The following BRS3 variants were observed in gnomAD, a reference collection of about 807,000 sequenced individuals.
The protein encoded by BRS3 is bombesin receptor subtype 3, also known as bombesin receptor subtype-3.
A neutral mutation model predicts 18.8 loss-of-function variants in BRS3; 5 were observed. The observed-to-expected ratio is 0.27, with a 90% CI of 0.14 to 0.56. The LOEUF is 0.56. Ranked by LOEUF, BRS3 falls within the 20% of genes least tolerant of loss-of-function variation. The pLI, the probability that BRS3 is intolerant of heterozygous loss-of-function variation, is 0.93. For synonymous variants in BRS3, 121 were observed against 115.0 expected, an observed-to-expected ratio of 1.05 and a Z score of -0.33; for missense variants, 215 against 296.3, an observed-to-expected ratio of 0.73 and a Z score of 2.01.
intron 2 of BRS3, among the ~76,000 whole-genome samples, chrX:136,490,698 T>G (rs751124425): frequency 8.9e-6 from 1 of 112,105 alleles, no homozygotes; most frequent in East Asian, 2.8e-4. Flanking sequence ...GAGCCTCGGT[T>G]TCCTCATCTG....
In BRS3 at chrX:136,488,363, T is replaced by C. The variant is rs746930970; in HGVS notation, c.249T>C (p.Asn83=). ...FKTKSMQTVP[N]IFITSLAFGD... ...CCAAATCCATGCAAACAGTTCCAAA[T>C]ATTTTCATCACCAGCCTGGCTTTTG... The change falls in exon 1 of 3, where the codon AAT becomes AAC. Residue 83 remains asparagine (N), a synonymous_variant. Coordinates refer to ENST00000370648, the MANE Select transcript of BRS3 (RefSeq NM_001727.2). 1.6e-5 allele frequency: 19 copies of C among 1,210,591 alleles called. No homozygotes were observed. The highest frequency in any genetic ancestry group is 2.0e-5 in the Non-Finnish European group (18 of 895,417).
chrX:136,490,565 T>A, intron 2 of BRS3, 81 bp downstream of exon 2: 2 of 745,816 alleles, frequency 2.7e-6, no homozygotes, highest in Non-Finnish European at 3.8e-6. Flanking sequence ...AGTAACTGTG[T>A]ATCTTCCTGT....
Position 136,493,587 on chromosome X carries a change from T to A in BRS3, c.*1212T>A, listed in dbSNP as rs1369438443. 4 of 111,383 alleles carry A rather than the reference T, an allele frequency of 3.6e-5. No homozygotes were observed. Among genetic ancestry groups the A allele is most frequent in the Non-Finnish European group, 7.5e-5 (4 of 53,084 alleles). 9.2% of individuals were successfully genotyped at this position (111,383 alleles called of 1,213,427 possible). A position where few individuals can be genotyped will look rare whatever the true frequency, so the allele number is the denominator to read the frequency against. On this transcript the variant is annotated 3_prime_UTR_variant, in exon 3 of 3. Coordinates refer to ENST00000370648, the MANE Select transcript of BRS3 (RefSeq NM_001727.2). ...TTGGTAATGCTGAGCTTTCTTTAAA[T>A]GGCTTGTGGAGTCGTGAACTTTTGC...
intron 1 of BRS3, 142 bp downstream of exon 1, chrX:136,488,690 C>T: frequency 4.9e-6 from 3 of 610,895 alleles, no homozygotes; most frequent in Admixed American, 8.6e-5. Flanking sequence ...AATCTGGTGG[C>T]ATTTAAAATA....
Position 136,493,752 on chromosome X carries a change from A to G in BRS3, c.*1377A>G, listed in dbSNP as rs1224926405. On this transcript the variant is annotated 3_prime_UTR_variant, in exon 3 of 3. Transcript: ENST00000370648. ...GTGGACACTGTAACACGTGTGGAAAAACAAATAAATATGAAATAAAGTTTT... is the reference window on the plus strand; with the variant it reads ...GTGGACACTGTAACACGTGTGGAAAGACAAATAAATATGAAATAAAGTTTT... 8.9e-6 allele frequency: 1 copy of G among 112,373 alleles called. No individual in the cohort carries two copies. The highest frequency in any genetic ancestry group is 3.2e-5 in the African/African-American group (1 of 30,896). 9.3% of individuals were successfully genotyped at this position (112,373 alleles called of 1,213,427 possible).
intron 1 of BRS3, among the ~76,000 whole-genome samples, chrX:136,488,810 G>A (rs990517452): frequency 1.5e-4 from 17 of 112,020 alleles, no homozygotes; most frequent in Admixed American, 6.6e-4. Context: ...TATACTGAAC[G>A]GGGTTTTTAT....
Position 136,488,228 on chromosome X carries a change from G to A in BRS3, c.114G>A (p.Gly38=). 1 of 1,211,348 alleles carries A rather than the reference G, an allele frequency of 8.3e-7. No homozygotes were observed. The highest frequency in any genetic ancestry group is 1.1e-6 in the Non-Finnish European group (1 of 895,238). The change falls in exon 1 of 3, where the codon GGG becomes GGA. Residue 38 remains glycine, a synonymous_variant. Coordinates refer to ENST00000370648, the MANE Select transcript of BRS3 (RefSeq NM_001727.2). ...ATAACACAAATAAAGGATGGAGCGG[G>A]GACAACTCTCCAGGAATAGAAGCAT... The part of the protein sequence containing the change: ...SNDNTNKGWS[G]DNSPGIEALC...
intron 1 of BRS3, among the ~76,000 whole-genome samples, chrX:136,488,866 GA>G (rs1029168186): frequency 9.0e-6 from 1 of 111,645 alleles, no homozygotes; most frequent in African/African-American, 3.3e-5. Context: ...AGGTGTAAAG[GA>G]AAAAAATTCA....
At chrX:136,491,451 T>C (rs894105097) in intron 2 of BRS3, among the ~76,000 whole-genome samples, 3 of 112,653 alleles carry the variant, frequency 2.7e-5, no homozygotes, top group Non-Finnish European at 5.6e-5. Context: ...CTTCTTTGAC[T>C]ATATGGTTAG....
In BRS3 at chrX:136,490,047, G is replaced by C; in HGVS notation, c.435-86G>C. On this transcript the variant is annotated intron_variant, in intron 1 of 2. Transcript: ENST00000370648. ...ACACATATGCACGGAGGGTAGAACTGGATGACCACTAAGGTCACTTCTCAC... is the reference window on the plus strand; with the variant it reads ...ACACATATGCACGGAGGGTAGAACTCGATGACCACTAAGGTCACTTCTCAC... The C allele has an allele frequency of 9.2e-6, 7 of 760,791 alleles. No individual in the cohort carries two copies. In the East Asian group the frequency reaches 9.6e-5, roughly 10 times the overall value. 62.7% of individuals were successfully genotyped at this position (760,791 alleles called of 1,213,427 possible). A position where few individuals can be genotyped will look rare whatever the true frequency, so the allele number is the denominator to read the frequency against.
rs948439060 is a variant in BRS3, at chrX:136,492,505, T to C, written c.*130T>C. Reference sequence around the variant, plus strand: ...AAATCTTAGGAGTGAAGGATCCCTATAAGTAAGTAAAATACAAACCATTAC... The same window carrying C: ...AAATCTTAGGAGTGAAGGATCCCTACAAGTAAGTAAAATACAAACCATTAC... On this transcript the variant is annotated 3_prime_UTR_variant, in exon 3 of 3. Transcript: ENST00000370648. 1.6e-6 allele frequency: 1 copy of C among 623,460 alleles called. No individual in the cohort carries two copies. The highest frequency in any genetic ancestry group is 2.2e-5 in the African/African-American group (1 of 44,480). 51.4% of individuals were successfully genotyped at this position (623,460 alleles called of 1,213,427 possible).
chrX:136,488,538 A>G lies in BRS3; in HGVS notation c.424A>G (p.Ser142Gly), dbSNP rs2075660054. 2 of 1,194,909 alleles carry G rather than the reference A, an allele frequency of 1.7e-6. No individual in the cohort carries two copies. Among genetic ancestry groups the G allele is most frequent in the Admixed American group, 2.3e-5 (1 of 44,019 alleles). Residue 142 changes from serine to glycine, a missense_variant, in exon 1 of 3, where the codon AGC becomes GGC. Physicochemically the swap from Ser to Gly is moderately conservative, Grantham distance 56. This residue lies in a region of BRS3 where 123 missense variants were observed against 207.6 expected (regional missense o/e 0.59). Transcript: ENST00000370648. ...GTCAGTGTTCACATTAACAATTCTCAGCGCTGACAGGTGAGTTTCTTTTCT... is the reference window on the plus strand; with the variant it reads ...GTCAGTGTTCACATTAACAATTCTCGGCGCTGACAGGTGAGTTTCTTTTCT... Reference protein sequence around the residue: ...GVSVFTLTILSADRYKAVVKP... With the variant: ...GVSVFTLTILGADRYKAVVKP...
chrX:136,493,560 T>C lies in BRS3; in HGVS notation c.*1185T>C, dbSNP rs2075677036. 8.9e-6 allele frequency: 1 copy of C among 111,869 alleles called. No individual in the cohort carries two copies. The highest frequency in any genetic ancestry group is 9.5e-5 in the Admixed American group (1 of 10,569). The allele number at this position is 111,869 out of a possible 1,213,427, so 9.2% of individuals were successfully genotyped here. On this transcript the variant is annotated 3_prime_UTR_variant, in exon 3 of 3. Transcript: ENST00000370648. ...AAAAAAAAACAATGTTTGAGTGTGC[T>C]TTTGGTAATGCTGAGCTTTCTTTAA...
Position 136,491,945 on chromosome X carries a change from G to A in BRS3, c.787-17G>A. On this transcript the variant is annotated splice_polypyrimidine_tract_variant and intron_variant, in intron 2 of 2. Coordinates refer to ENST00000370648, the MANE Select transcript of BRS3 (RefSeq NM_001727.2). ...TTTTTTTTTTTTTTTTTTTTGCTAT[G>A]TTTCTTCCCCCTATAGATTGAATCC... 8 of 230,419 alleles carry A rather than the reference G, an allele frequency of 3.5e-5. No individual in the cohort carries two copies. Among genetic ancestry groups the A allele is most frequent in the Non-Finnish European group, 4.3e-5 (7 of 162,050 alleles). 19.0% of individuals were successfully genotyped at this position (230,419 alleles called of 1,213,427 possible). A position where few individuals can be genotyped will look rare whatever the true frequency, so the allele number is the denominator to read the frequency against.
In BRS3 at chrX:136,490,545, T is replaced by C. The variant is rs185233614; in HGVS notation, c.786+61T>C. The C allele has an allele frequency of 5.6e-4, 508 of 900,092 alleles. No homozygotes were observed. In the African/African-American group the frequency reaches 8.6e-3, roughly 15 times the overall value. The allele number at this position is 900,092 out of a possible 1,213,427, so 74.2% of individuals were successfully genotyped here. On this transcript the variant is annotated intron_variant, in intron 2 of 2. Coordinates refer to ENST00000370648, the MANE Select transcript of BRS3 (RefSeq NM_001727.2). ...GAATTTAGAAGTGAAGTTCCTACTT[T>C]TGCACAGTGAGTAACTGTGTATCTT...
chrX:136,490,064 A>G lies in BRS3; in HGVS notation c.435-69A>G. On this transcript the variant is annotated intron_variant, in intron 1 of 2. Transcript: ENST00000370648. ...GTAGAACTGGATGACCACTAAGGTC[A>G]CTTCTCACCCTAAAATTTGGTAACT... The G allele has an allele frequency of 3.2e-6, 3 of 946,297 alleles. No individual in the cohort carries two copies. In the East Asian group the frequency reaches 9.3e-5, roughly 29 times the overall value. 78.0% of individuals were successfully genotyped at this position (946,297 alleles called of 1,213,427 possible). A position where few individuals can be genotyped will look rare whatever the true frequency, so the allele number is the denominator to read the frequency against.
chrX:136,490,050 TGACCACTAA>T lies in BRS3; in HGVS notation c.435-81_435-73del. ...CATATGCACGGAGGGTAGAACTGGATGACCACTAAGGTCACTTCTCACCCTAAAATTTGG... is the reference window on the plus strand; with the variant it reads ...CATATGCACGGAGGGTAGAACTGGATGGTCACTTCTCACCCTAAAATTTGG... On this transcript the variant is annotated intron_variant, in intron 1 of 2. Coordinates refer to ENST00000370648, the MANE Select transcript of BRS3 (RefSeq NM_001727.2). The T allele has an allele frequency of 5.1e-6, 4 of 780,603 alleles. No individual in the cohort carries two copies. In the East Asian group the frequency reaches 9.5e-5, roughly 19 times the overall value. 64.3% of individuals were successfully genotyped at this position (780,603 alleles called of 1,213,427 possible).
At chrX:136,491,904 G>A in intron 2 of BRS3, 58 bp from the exon 3 acceptor site, 6 of 691,052 alleles carry the variant, frequency 8.7e-6, no homozygotes, top group Non-Finnish European at 1.1e-5. Context: ...TGTTGTTGTT[G>A]TTTTTTGTGT....
rs746391016 is a variant in BRS3 at position 136,491,981 on chromosome X, T to C, written c.806T>C (p.Ile269Thr). 2 of 965,788 alleles carry C rather than the reference T, an allele frequency of 2.1e-6. No homozygotes were observed. Among genetic ancestry groups the C allele is most frequent in the Non-Finnish European group, 2.7e-6 (2 of 748,248 alleles). 79.6% of individuals were successfully genotyped at this position (965,788 alleles called of 1,213,427 possible). ...ARKQIESRKR[I>T]ARTVLVLVAL... ...CTATAGATTGAATCCCGAAAGAGAA[T>C]TGCCAGAACGGTATTGGTGTTGGTG... Residue 269 changes from isoleucine to threonine, a missense_variant, in exon 3 of 3, where the codon ATT becomes ACT. This residue lies in a region of BRS3 where 123 missense variants were observed against 207.6 expected (regional missense o/e 0.59). Transcript: ENST00000370648.
Sources: allele counts gnomAD v4.1 joint callset (sites outside exome capture counted in the v4.1 genomes callset), GRCh38; gene constraint gnomAD v4.1.1; regional missense constraint gnomAD v4.1.1; transcripts MANE v1.5; gene names NCBI Gene and HGNC (gene_info 2026-07-23, HGNC 2026-07-21).